Variants in TRIM54 observed in about 807,000 individuals in gnomAD.
TRIM54 encodes the protein tripartite motif containing 54.
In TRIM54, 40 loss-of-function variants were observed where a neutral mutation model predicts 42.0. That is an observed-to-expected ratio of 0.95 (90% confidence interval 0.74 to 1.24). The LOEUF is 1.24. Among genes scored for constraint, TRIM54 ranks in the 50% most tolerant of loss-of-function variants. The pLI is 0.00. For missense variants in TRIM54, 485 were observed against 480.3 expected (o/e 1.01, Z -0.09); for synonymous variants, 199 against 194.9 (o/e 1.02, Z -0.17).
intron 3 of TRIM54, 121 bp from the exon 4 acceptor site, chr2:27,304,838 A>C: frequency 1.4e-6 from 1 of 704,978 alleles, no homozygotes; most frequent in Non-Finnish European, 2.5e-6. Flanking sequence ...AGATTGCTGT[A>C]GATGCCCTTA....
At chr2:27,298,102 G>C (rs949920567) in intron 1 of TRIM54, among the ~76,000 whole-genome samples, 4 of 151,634 alleles carry the variant, frequency 2.6e-5, no homozygotes, top group African/African-American at 7.3e-5. Flanking sequence ...TACAGTTTGT[G>C]AACCCCATTG....
At chr2:27,284,285 C>A (rs1375065162) in intron 1 of TRIM54, among the ~76,000 whole-genome samples, 1 of 152,162 alleles carries the variant, frequency 6.6e-6, no homozygotes, top group Non-Finnish European at 1.5e-5. Context: ...TTAACCTAAC[C>A]AAGAAAATAC....
At chr2:27,304,020 C>T (rs1057194259) in intron 3 of TRIM54, among the ~76,000 whole-genome samples, 2 of 151,286 alleles carry the variant, frequency 1.3e-5, no homozygotes, top group Admixed American at 6.6e-5. Context: ...GGAGACCAAC[C>T]TGGGGAAATG....
chr2:27,299,610 A>G lies in TRIM54; in HGVS notation c.513+194A>G, dbSNP rs766557615. On this transcript the variant is annotated intron_variant, in intron 3 of 8. Transcript: ENST00000380075. ...ACTGCAGCCTTGATCTCCCGAGCTC[A>G]AGTGATCCTCCCATCTTAGCCTCGC... is the stretch of plus-strand genomic sequence containing the variant. The G allele has an allele frequency of 1.7e-5, 21 of 1,221,474 alleles. No individual in the cohort carries two copies. The South Asian group carries it at 2.8e-4, about 16-fold the overall frequency. The allele number at this position is 1,221,474 out of a possible 1,614,324, so 75.7% of individuals were successfully genotyped here.
intron 3 of TRIM54, 108 bp from the exon 4 acceptor site, chr2:27,304,851 G>A (rs140897265): frequency 2.5e-6 from 2 of 815,606 alleles, no homozygotes; most frequent in Non-Finnish European, 4.0e-6. Context: ...TGCCCTTATG[G>A]GGGGTGAGGT....
intron 3 of TRIM54, among the ~76,000 whole-genome samples, chr2:27,300,404 C>T (rs1248744025): frequency 1.3e-5 from 2 of 151,940 alleles, no homozygotes; most frequent in African/African-American, 4.8e-5. Flanking sequence ...AACTCCTGAC[C>T]TCAGGTGATC....
At chr2:27,290,150 G>T (rs540731530) in intron 1 of TRIM54, among the ~76,000 whole-genome samples, 77 of 151,870 alleles carry the variant, frequency 5.1e-4, no homozygotes, top group African/African-American at 1.8e-3. Context: ...AGAATTACAG[G>T]TGTGAGCCAC....
In TRIM54 at chr2:27,306,214, G is replaced by A; in HGVS notation, c.868G>A (p.Val290Ile). ...LQQAKELINK[V>I]GAMSKVELAG... ...GCTGAGTCCGTGTGGCCACTGCAGG[G>A]TCGGGGCCATGTCGAAGGTGGAGCT... The change falls in exon 7 of 9, where the codon GTC becomes ATC. Residue 290 changes from valine (V) to isoleucine (I), a missense_variant and splice_region_variant. Val to Ile is a conservative substitution (Grantham distance 29). Transcript: ENST00000380075. The surrounding 1 kb of genome is among the most constrained non-coding windows in gnomAD (Gnocchi z 6.1). 6.2e-7 allele frequency: 1 copy of A among 1,614,116 alleles called. No homozygotes were observed. Among genetic ancestry groups the A allele is most frequent in the East Asian group, 2.2e-5 (1 of 44,888 alleles).
At chr2:27,300,724 T>C (rs2148200831) in intron 3 of TRIM54, among the ~76,000 whole-genome samples, 1 of 151,974 alleles carries the variant, frequency 6.6e-6, no homozygotes, top group Admixed American at 6.6e-5. Flanking sequence ...AAAAATTAGC[T>C]GGGCATGGTG....
At chr2:27,297,881 TG>T in intron 1 of TRIM54, among the ~76,000 whole-genome samples, 1 of 149,264 alleles carries the variant, frequency 6.7e-6, no homozygotes, top group South Asian at 2.1e-4. Context: ...CTCAGAAGAC[TG>T]AGATGGGAGG....
intron 2 of TRIM54, 107 bp downstream of exon 2, chr2:27,298,846 T>C: frequency 8.1e-7 from 1 of 1,240,768 alleles, no homozygotes; most frequent in South Asian, 1.5e-5. Context: ...CTGCCTGTTC[T>C]GTCTAGAGAC....
chr2:27,301,605 C>T (rs549262565), intron 3 of TRIM54, among the ~76,000 whole-genome samples: 3 of 152,268 alleles, frequency 2.0e-5, no homozygotes, highest in South Asian at 2.1e-4. Flanking sequence ...CACCAGAGGT[C>T]GCTCTCATTG....
chr2:27,306,830 C>G lies in TRIM54; in HGVS notation c.*2-57C>G. 1 of 498,888 alleles carries G rather than the reference C, an allele frequency of 2.0e-6. No individual in the cohort carries two copies. The highest frequency in any genetic ancestry group is 2.8e-5 in the South Asian group (1 of 35,860). The allele number at this position is 498,888 out of a possible 1,614,324, so 30.9% of individuals were successfully genotyped here. On this transcript the variant is annotated intron_variant, in intron 8 of 8. Coordinates refer to ENST00000380075, the MANE Select transcript of TRIM54 (RefSeq NM_187841.3). This position sits in a 1 kb window ranked among gnomAD's most constrained non-coding sequence, Gnocchi z 6.1. ...GGCGGGGGACGGAGTGAGCGGGGCT[C>G]GAGCTGCCTCGTGCCTTCGCAGCAC... is the stretch of plus-strand genomic sequence containing the variant.
At position 27,305,940 on chromosome 2, in the gene TRIM54, C is replaced by A. The variant is rs1327581222; in HGVS notation, c.843+123C>A. On this transcript the variant is annotated intron_variant, in intron 5 of 8. Coordinates refer to ENST00000380075, the MANE Select transcript of TRIM54 (RefSeq NM_187841.3). ...TGCCCCTACGACCTTGGGCAAGTCACCCCCTCTGAGTTCGTTTTCTGCTTA... is the reference window on the plus strand; with the variant it reads ...TGCCCCTACGACCTTGGGCAAGTCAACCCCTCTGAGTTCGTTTTCTGCTTA... 3 of 1,376,254 alleles carry A rather than the reference C, an allele frequency of 2.2e-6. No individual in the cohort carries two copies. In the African/African-American group the frequency reaches 4.3e-5, roughly 20 times the overall value. The allele number at this position is 1,376,254 out of a possible 1,614,324, so 85.3% of individuals were successfully genotyped here.
chr2:27,299,409 G>T lies in TRIM54; in HGVS notation c.506G>T (p.Arg169Leu), dbSNP rs770394298. ...GCCCCACTGCCCACCATTTACAAACGCCAGAAGGTATCAAACAGGGGAGGG... is the reference window on the plus strand; with the variant it reads ...GCCCCACTGCCCACCATTTACAAACTCCAGAAGGTATCAAACAGGGGAGGG... The part of the protein sequence containing the change: ...EVAPLPTIYK[R>L]QKSELSDGIA... Residue 169 changes from arginine (R) to leucine (L), a missense_variant, in exon 3 of 9, where the codon CGC becomes CTC. Coordinates refer to ENST00000380075, the MANE Select transcript of TRIM54 (RefSeq NM_187841.3). The T allele has an allele frequency of 5.6e-6, 9 of 1,613,586 alleles. No individual in the cohort carries two copies. The highest frequency in any genetic ancestry group is 7.6e-6 in the Non-Finnish European group (9 of 1,179,912).
chr2:27,302,780 A>G (rs1679071299), intron 3 of TRIM54, among the ~76,000 whole-genome samples: 1 of 152,146 alleles, frequency 6.6e-6, no homozygotes, highest in African/African-American at 2.4e-5. Flanking sequence ...AAAAAGAGTG[A>G]AACTCTGTCT....
rs1383382212 is a variant in TRIM54 at position 27,298,061 on chromosome 2, T to C, written c.169-506T>C. Among the ~76,000 whole-genome samples the C allele has an allele frequency of 1.1e-4, 17 of 151,104 alleles. No individual in the cohort carries two copies. The Admixed American group carries it at 1.1e-3, about 10-fold the overall frequency. Reference sequence around the variant, plus strand: ...CCCAGGACTCCTGACTTCCAGTTCCTGGAGCAATTTTCTAGAATTACCTGG... The same window carrying C: ...CCCAGGACTCCTGACTTCCAGTTCCCGGAGCAATTTTCTAGAATTACCTGG... On this transcript the variant is annotated intron_variant, in intron 1 of 8. Transcript: ENST00000380075.
chr2:27,289,860 CTTTTTTTTTTTTTTTTTTT>C (rs756771152), intron 1 of TRIM54, among the ~76,000 whole-genome samples: 4 of 100,608 alleles, frequency 4.0e-5, no homozygotes, highest in African/African-American at 1.6e-4. Context: ...CTCTCTTTCT[CTTTTTTTTTTTTTTTTTTT>C]TTTTTTTTTT....
intron 1 of TRIM54, among the ~76,000 whole-genome samples, chr2:27,297,388 C>A (rs7595965): frequency 0.012 from 1,756 of 152,282 alleles, 33 homozygotes; most frequent in African/African-American, 0.041. Flanking sequence ...CAGGTGATCA[C>A]CTCCTTAGCT....
Sources: allele counts gnomAD v4.1 joint callset (sites outside exome capture counted in the v4.1 genomes callset), GRCh38; gene constraint gnomAD v4.1.1; non-coding constraint Gnocchi (gnomAD v3.1); transcripts MANE v1.5; gene names NCBI Gene and HGNC (gene_info 2026-07-23, HGNC 2026-07-21).